PFKL: variants seen among roughly 807,000 people sequenced by gnomAD.
PFKL encodes ATP-dependent 6-phosphofructokinase, liver type.
A neutral mutation model predicts 92.1 loss-of-function variants in PFKL; 74 were observed. That is an observed-to-expected ratio of 0.80 (90% CI 0.67 to 0.97). The LOEUF (loss-of-function observed/expected upper bound fraction) is 0.97. Among genes scored for constraint, PFKL ranks in the 50% least tolerant of loss-of-function variants. PFKL has a pLI of 0.00. For missense variants in PFKL, 1,028 were observed against 1,116.6 expected, an observed-to-expected ratio of 0.92 and a Z score of 1.13; for synonymous variants, 494 against 456.4, an observed-to-expected ratio of 1.08 and a Z score of -1.05.
intron 3 of PFKL, 45 bp downstream of exon 3, chr21:44,311,128 A>G: frequency 6.8e-7 from 1 of 1,473,066 alleles, no homozygotes; most frequent in Non-Finnish European, 9.4e-7. Context: ...GGACTCGCAG[A>G]CAGACACACA....
chr21:44,305,380 A>T, intron 1 of PFKL: 1 of 1,365,530 alleles, frequency 7.3e-7, no homozygotes, highest in Non-Finnish European at 9.8e-7. Context: ...CTCCATGTTC[A>T]AGGGAGCTGC....
chr21:44,320,193 A>T, intron 12 of PFKL, 46 bp downstream of exon 12: 5 of 1,545,774 alleles, frequency 3.2e-6, no homozygotes, highest in Non-Finnish European at 4.5e-6. Context: ...GGGCTCAGTT[A>T]TTCTGCAGCC....
At position 44,324,858 on chromosome 21, in the gene PFKL, C is replaced by G. The variant is rs1454442074; in HGVS notation, c.1818C>G (p.Val606=). The change falls in exon 18 of 22, where the codon GTC becomes GTG. Residue 606 remains valine (V), a splice_region_variant and synonymous_variant. Coordinates refer to ENST00000349048, the MANE Select transcript of PFKL (RefSeq NM_002626.6). ...ATCCGTGTCCGCCCCTCCCGCAGGT[C>G]AACGTGGAGCACATGACGGAGAAGA... ...EDPFNIHDLK[V]NVEHMTEKMK... The G allele has an allele frequency of 3.1e-6, 5 of 1,607,786 alleles. No individual in the cohort carries two copies. The highest frequency in any genetic ancestry group is 4.2e-6 in the Non-Finnish European group (5 of 1,177,364).
chr21:44,310,178 C>T (rs978129425), intron 2 of PFKL, among the ~76,000 whole-genome samples: 3 of 152,242 alleles, frequency 2.0e-5, no homozygotes, highest in Admixed American at 1.3e-4. Flanking sequence ...TAGTGAAATG[C>T]AGTCATGAGT....
At chr21:44,319,836 C>T (rs1313616919) in intron 11 of PFKL, 14 of 513,952 alleles carry the variant, frequency 2.7e-5, no homozygotes, top group Non-Finnish European at 3.8e-5. Context: ...GTGGCCAACC[C>T]TCCCTTGAGC....
At chr21:44,311,575 G>C (rs2838547) in intron 3 of PFKL, among the ~76,000 whole-genome samples, 21,713 of 152,232 alleles carry the variant, frequency 0.14, 1,714 homozygotes, top group East Asian at 0.36. Context: ...GGTTCAGGCC[G>C]ACCCTGTCAT....
At chr21:44,311,268 A>G (rs931408312) in intron 3 of PFKL, among the ~76,000 whole-genome samples, 185 bp downstream of exon 3, 3 of 150,156 alleles carry the variant, frequency 2.0e-5, no homozygotes, top group Non-Finnish European at 4.4e-5. Context: ...GCGTGCACAC[A>G]CAGACCCGTG....
At chr21:44,301,112 C>A (rs902884168) in intron 1 of PFKL, among the ~76,000 whole-genome samples, 8 of 152,236 alleles carry the variant, frequency 5.3e-5, no homozygotes, top group Non-Finnish European at 1.0e-4. Flanking sequence ...CACACACCCC[C>A]ACCCAGCTTC....
chr21:44,319,749 C>A (rs2047310824), intron 11 of PFKL: 1 of 520,472 alleles, frequency 1.9e-6, no homozygotes, highest in South Asian at 2.4e-5. Context: ...GTACCACCCC[C>A]CTGCAGGCGT....
At chr21:44,318,263 GGGCAGCGA>G (rs2047262635) in intron 9 of PFKL, among the ~76,000 whole-genome samples, 199 bp from the exon 10 acceptor site, 1 of 152,242 alleles carries the variant, frequency 6.6e-6, no homozygotes, top group African/African-American at 2.4e-5. Flanking sequence ...CCTTCCAGCA[GGGCAGCGA>G]GGACTCTGTG....
At chr21:44,318,810 C>T (rs989576979) in intron 10 of PFKL, among the ~76,000 whole-genome samples, 1 of 152,156 alleles carries the variant, frequency 6.6e-6, no homozygotes, top group African/African-American at 2.4e-5. Flanking sequence ...GGAGGTGTGT[C>T]GGAGCTGCAG....
Position 44,324,628 on chromosome 21 carries a change from G to C in PFKL, c.1788G>C (p.Glu596Asp). 6.2e-7 allele frequency: 1 copy of C among 1,604,848 alleles called. No homozygotes were observed. The highest frequency in any genetic ancestry group is 8.5e-7 in the Non-Finnish European group (1 of 1,174,986). Residue 596 changes from glutamate (E) to aspartate (D), a missense_variant, in exon 17 of 22, where the codon GAG (glutamate) becomes GAC (aspartate). By Grantham distance (45) the Glu-to-Asp change is conservative (BLOSUM62 2). Transcript: ENST00000349048. ...GGGCCGACGCCGCCTACGTCTTCGA[G>C]GACCCTTTCAACATCCACGACTTAA... ...AVGADAAYVF[E>D]DPFNIHDLKV...
intron 11 of PFKL, 53 bp downstream of exon 11, chr21:44,319,468 A>G: frequency 6.8e-7 from 1 of 1,468,566 alleles, no homozygotes; most frequent in Non-Finnish European, 9.5e-7. Context: ...TCCCGGTGCC[A>G]GGCAGCATGT....
At chr21:44,308,385 C>G (rs1455111009) in intron 2 of PFKL, among the ~76,000 whole-genome samples, 1 of 152,044 alleles carries the variant, frequency 6.6e-6, no homozygotes, top group African/African-American at 2.4e-5. Flanking sequence ...GGGAAGACTT[C>G]CCCTCCGTCC....
In PFKL at chr21:44,326,110, CT is replaced by C. The variant is rs1568975038; in HGVS notation, c.2090-48del. On this transcript the variant is annotated intron_variant, in intron 20 of 21. Transcript: ENST00000349048. ...CCTCACTTTGCCCTCCCCTGGCTCC[CT>C]GGGGCAGGGCCTCACCATGGAGGGC... 3 of 1,605,890 alleles carry C rather than the reference CT, an allele frequency of 1.9e-6. No individual in the cohort carries two copies. In the African/African-American group the frequency reaches 4.0e-5, roughly 21 times the overall value.
intron 1 of PFKL, among the ~76,000 whole-genome samples, chr21:44,300,832 C>T (rs564895561): frequency 2.0e-5 from 3 of 152,330 alleles, no homozygotes; most frequent in African/African-American, 7.2e-5. Flanking sequence ...GGTGGGGGTC[C>T]GGCCTGAGGG....
intron 2 of PFKL, 126 bp from the exon 3 acceptor site, chr21:44,310,880 T>C (rs1304694539): frequency 1.5e-6 from 1 of 674,296 alleles, no homozygotes; most frequent in East Asian, 2.7e-5. Context: ...GGGATGATGG[T>C]GGGGCCTCAC....
intron 1 of PFKL, among the ~76,000 whole-genome samples, chr21:44,303,833 G>C (rs953588930): frequency 6.6e-6 from 1 of 152,190 alleles, no homozygotes; most frequent in African/African-American, 2.4e-5. Flanking sequence ...CTGGGCAGGG[G>C]TGGCTATCAC....
rs765017117 is a variant in PFKL at position 44,325,966 on chromosome 21, C to T, written c.1995C>T (p.Gly665=). 12 of 1,612,246 alleles carry T rather than the reference C, an allele frequency of 7.4e-6. No homozygotes were observed. The African/African-American group carries it at 1.1e-4, about 14-fold the overall frequency. Residue 665 remains glycine, a synonymous_variant, in exon 20 of 22, where the codon GGC becomes GGT. Coordinates refer to ENST00000349048, the MANE Select transcript of PFKL (RefSeq NM_002626.6). ...TNVLGHLQQG[G]APTPFDRNYG... ...CGGGCCTCACCTGTTTCCAGGGTGG[C>T]GCTCCAACCCCCTTTGACCGGAACT...
Sources: allele counts gnomAD v4.1 joint callset (sites outside exome capture counted in the v4.1 genomes callset), GRCh38; gene constraint gnomAD v4.1.1; transcripts MANE v1.5; gene names NCBI Gene and HGNC (gene_info 2026-07-23, HGNC 2026-07-21).